The following EYA1 variants were observed in gnomAD, a reference collection of about 807,000 sequenced individuals.
EYA1 encodes the protein protein phosphatase EYA1.
EYA1 carries 16 observed loss-of-function variants against 82.0 expected under a neutral mutation model. The ratio of observed to expected loss-of-function variants is 0.20; its 90% CI spans 0.13 to 0.30. The LOEUF (loss-of-function observed/expected upper bound fraction) is 0.30. EYA1 is among the 10% of genes least tolerant of loss of function. The probability of loss-of-function intolerance (pLI) is 1.00; values close to 1 mark genes in which losing one functional copy is unlikely to be tolerated. For missense variants in EYA1, 633 were observed against 730.7 expected (o/e 0.87, Z 1.54); for synonymous variants, 261 against 264.4 (o/e 0.99, Z 0.12).
At chr8:71,222,904 C>T (rs1810109472) in intron 12 of EYA1, among the ~76,000 whole-genome samples, 1 of 152,142 alleles carries the variant, frequency 6.6e-6, no homozygotes. Context: ...TTAGGGGACT[C>T]CAGCTCTGTC....
intron 6 of EYA1, among the ~76,000 whole-genome samples, chr8:71,319,980 T>C (rs1822354927): frequency 6.6e-6 from 1 of 152,168 alleles, no homozygotes; most frequent in African/African-American, 2.4e-5. Flanking sequence ...TGGAAAACTC[T>C]GGAATCAAAG....
chr8:71,372,228 G>GTT (rs1828126314), intron 2 of EYA1, among the ~76,000 whole-genome samples: 12 of 152,044 alleles, frequency 7.9e-5, no homozygotes, highest in Admixed American at 7.9e-4. Context: ...CAAAGCCTAG[G>GTT]TCATGACTTC....
Position 71,339,541 on chromosome 8 carries a change from A to T in EYA1, c.125-5367T>A, listed in dbSNP as rs1824886548. Among the ~76,000 whole-genome samples the T allele has an allele frequency of 2.0e-5, 3 of 151,190 alleles. No individual in the cohort carries two copies. The Admixed American group carries it at 2.1e-4, about 10-fold the overall frequency. On this transcript the variant is annotated intron_variant, in intron 3 of 17. Transcript: ENST00000340726. ...TCCTTACGCTCCCGAGACATACCTC[A>T]TCCCTCACCATCTTTGGCCCTTCCA...
chr8:71,249,436 A>C (rs2128913183), intron 11 of EYA1, among the ~76,000 whole-genome samples: 1 of 152,250 alleles, frequency 6.6e-6, no homozygotes, highest in East Asian at 1.9e-4. Context: ...AGCAAGGAGA[A>C]GTGCAGAGCA....
intron 3 of EYA1, among the ~76,000 whole-genome samples, chr8:71,334,829 T>C (rs1824300156): frequency 6.6e-6 from 1 of 152,252 alleles, no homozygotes; most frequent in South Asian, 2.1e-4. Context: ...ACAGTATTGA[T>C]AGCAGACAGT....
chr8:71,445,501 A>C (rs772321253), intron 2 of EYA1, among the ~76,000 whole-genome samples: 1 of 152,246 alleles, frequency 6.6e-6, no homozygotes, highest in Non-Finnish European at 1.5e-5. Flanking sequence ...ACCTAGTGAC[A>C]ATAGGAATGT....
chr8:71,271,927 T>C, intron 9 of EYA1, 30 bp from the exon 10 acceptor site: 1 of 1,613,814 alleles, frequency 6.2e-7, no homozygotes, highest in Non-Finnish European at 8.5e-7. Context: ...ACTTTCATCT[T>C]TTATTTCCAT....
At chr8:71,204,088 T>C (rs1431747071) in intron 17 of EYA1, 7 of 152,318 alleles carry the variant, frequency 4.6e-5, no homozygotes, top group African/African-American at 1.7e-4. Flanking sequence ...AACTGCAACA[T>C]GCATGTGATT....
At chr8:71,544,368 C>T (rs75193150) in intron 1 of EYA1, among the ~76,000 whole-genome samples, 5,425 of 152,290 alleles carry the variant, frequency 0.036, 128 homozygotes, top group Non-Finnish European at 0.054. Context: ...CAATCTGCTT[C>T]TGCATGAATA....
intron 9 of EYA1, among the ~76,000 whole-genome samples, chr8:71,280,406 A>C (rs1489234299): frequency 6.6e-6 from 1 of 152,224 alleles, no homozygotes; most frequent in East Asian, 1.9e-4. Flanking sequence ...GTGACCTCCC[A>C]TAGCTGAATA....
chr8:71,393,526 A>G (rs1202390094), intron 2 of EYA1, among the ~76,000 whole-genome samples: 3 of 152,070 alleles, frequency 2.0e-5, no homozygotes, highest in African/African-American at 7.2e-5. Flanking sequence ...ATTCCCACCT[A>G]TGAGTGAGAA....
chr8:71,355,621 G>A (rs534300938), intron 2 of EYA1, among the ~76,000 whole-genome samples: 17 of 152,298 alleles, frequency 1.1e-4, no homozygotes, highest in Admixed American at 3.3e-4. Flanking sequence ...CCAACATACA[G>A]TGGGTCCCTG....
intron 2 of EYA1, among the ~76,000 whole-genome samples, chr8:71,464,935 T>C (rs1336166543): frequency 6.6e-6 from 1 of 152,138 alleles, no homozygotes; most frequent in Non-Finnish European, 1.5e-5. Context: ...GATTACAACT[T>C]CCCCCTGAGT....
intron 12 of EYA1, among the ~76,000 whole-genome samples, chr8:71,239,511 G>A (rs10094389): frequency 0.05 from 7,570 of 152,246 alleles, 631 homozygotes; most frequent in African/African-American, 0.17. Flanking sequence ...TAAAAAATGT[G>A]GTCCTTTATG....
chr8:71,478,619 T>C (rs1462882161), intron 2 of EYA1, among the ~76,000 whole-genome samples: 3 of 152,156 alleles, frequency 2.0e-5, no homozygotes, highest in Admixed American at 2.0e-4. Flanking sequence ...TAGCAAGAGA[T>C]ACACTGCCTA....
At chr8:71,361,394 CAATT>C (rs1157002429) in intron 1 of EYA1, among the ~76,000 whole-genome samples, 1 of 152,186 alleles carries the variant, frequency 6.6e-6, no homozygotes, top group Non-Finnish European at 1.5e-5. Flanking sequence ...TAATTGTTAA[CAATT>C]AATTTGTAAT....
intron 11 of EYA1, among the ~76,000 whole-genome samples, chr8:71,265,402 A>G (rs1378343320): frequency 6.6e-6 from 1 of 152,230 alleles, no homozygotes; most frequent in African/African-American, 2.4e-5. Flanking sequence ...GATTAAACAT[A>G]CTAAGCTTTA....
intron 2 of EYA1, among the ~76,000 whole-genome samples, chr8:71,422,437 A>G (rs916024833): frequency 2.6e-5 from 4 of 152,202 alleles, no homozygotes; most frequent in African/African-American, 9.7e-5. Flanking sequence ...TCAGGCATAG[A>G]AAGTGCAATG....
At chr8:71,267,966 ACTCATGGT>A (rs1816067224) in intron 11 of EYA1, among the ~76,000 whole-genome samples, 1 of 152,338 alleles carries the variant, frequency 6.6e-6, no homozygotes, top group Admixed American at 6.5e-5. Context: ...AAAAAATTAA[ACTCATGGT>A]ATTTGTAATA....
Sources: allele counts gnomAD v4.1 joint callset (sites outside exome capture counted in the v4.1 genomes callset), GRCh38; gene constraint gnomAD v4.1.1; transcripts MANE v1.5; gene names NCBI Gene and HGNC (gene_info 2026-07-23, HGNC 2026-07-21).